MIPOL1: variants seen among roughly 807,000 people sequenced by gnomAD.
MIPOL1 encodes mirror-image polydactyly 1, also known as mirror-image polydactyly gene 1 protein.
MIPOL1 carries 57 observed loss-of-function variants against 60.9 expected under a neutral mutation model. The ratio of observed to expected loss-of-function variants is 0.94; its 90% CI spans 0.76 to 1.17. The LOEUF is 1.17. Ranked by LOEUF, MIPOL1 falls within the 50% of genes most tolerant of loss-of-function variation. The pLI is 0.00. For missense variants in MIPOL1, 551 were observed against 511.6 expected (o/e 1.08, Z -0.74); for synonymous variants, 179 against 168.8 (o/e 1.06, Z -0.47).
At chr14:37,402,000 A>G (rs963906690) in intron 10 of MIPOL1, 4 of 152,054 alleles carry the variant, frequency 2.6e-5, no homozygotes, top group African/African-American at 9.7e-5. Context: ...TCCTTTGTTG[A>G]TAGGGCATAT....
chr14:37,551,129 C>T lies in MIPOL1; in HGVS notation c.*4158C>T, dbSNP rs980284117. ...CTTCTAAATATAGTTTTGGTGTATGCTGGTATTTTAGAAGCCACCAATTTC... is the reference window on the plus strand; with the variant it reads ...CTTCTAAATATAGTTTTGGTGTATGTTGGTATTTTAGAAGCCACCAATTTC... On this transcript the variant is annotated 3_prime_UTR_variant, in exon 13 of 13. Coordinates refer to ENST00000684589, the MANE Select transcript of MIPOL1 (RefSeq NM_001388067.1). 6 of 151,916 alleles carry T rather than the reference C, an allele frequency of 3.9e-5. No homozygotes were observed. Among genetic ancestry groups the T allele is most frequent in the Non-Finnish European group, 5.9e-5 (4 of 67,938 alleles). The allele number at this position is 151,916 out of a possible 1,614,324, so 9.4% of individuals were successfully genotyped here. A position where few individuals can be genotyped will look rare whatever the true frequency, so the allele number is the denominator to read the frequency against.
At chr14:37,348,033 A>G (rs2091071647) in intron 9 of MIPOL1, among the ~76,000 whole-genome samples, 1 of 152,178 alleles carries the variant, frequency 6.6e-6, no homozygotes, top group East Asian at 1.9e-4. Flanking sequence ...ACAGTACCCA[A>G]CAGGTAGTTT....
intron 3 of MIPOL1, chr14:37,265,219 C>G (rs528205643): frequency 3.3e-4 from 50 of 152,310 alleles, no homozygotes; most frequent in African/African-American, 1.2e-3. Flanking sequence ...TGCTACTTCG[C>G]ATATCCCTAC....
chr14:37,468,587 TAAA>T (rs1349288651), intron 11 of MIPOL1, among the ~76,000 whole-genome samples: 1 of 152,178 alleles, frequency 6.6e-6, no homozygotes, highest in African/African-American at 2.4e-5. Flanking sequence ...CACTAAAACA[TAAA>T]AAATTAAGAA....
At chr14:37,416,552 A>G (rs1193821123) in intron 10 of MIPOL1, among the ~76,000 whole-genome samples, 3 of 152,214 alleles carry the variant, frequency 2.0e-5, no homozygotes, top group Non-Finnish European at 4.4e-5. Flanking sequence ...ACATAGAAAA[A>G]GTACAGTAAA....
At chr14:37,332,509 A>G (rs2089787310) in intron 9 of MIPOL1, among the ~76,000 whole-genome samples, 1 of 152,184 alleles carries the variant, frequency 6.6e-6, no homozygotes, top group Admixed American at 6.5e-5. Flanking sequence ...TTAACAACAC[A>G]CAGTTGACTA....
intron 9 of MIPOL1, among the ~76,000 whole-genome samples, chr14:37,318,374 T>G (rs1221041969): frequency 6.6e-6 from 1 of 152,128 alleles, no homozygotes; most frequent in African/African-American, 2.4e-5. Context: ...AAGCATAACA[T>G]TTAGAGTTAT....
chr14:37,338,137 C>T (rs1386190629), intron 9 of MIPOL1, among the ~76,000 whole-genome samples: 3 of 130,744 alleles, frequency 2.3e-5, no homozygotes, highest in African/African-American at 5.8e-5. Context: ...GACGGAGTCT[C>T]GCTCTGTCGC....
intron 9 of MIPOL1, among the ~76,000 whole-genome samples, chr14:37,350,186 T>G (rs182630389): frequency 1.3e-5 from 2 of 152,246 alleles, no homozygotes; most frequent in African/African-American, 2.4e-5. Flanking sequence ...ATCCTCCCAC[T>G]TCAGCCTCCG....
intron 11 of MIPOL1, among the ~76,000 whole-genome samples, chr14:37,460,338 C>A (rs774390853): frequency 6.6e-6 from 1 of 152,022 alleles, no homozygotes; most frequent in Non-Finnish European, 1.5e-5. Context: ...AAACCTTCAA[C>A]AAACTAGGCC....
intron 10 of MIPOL1, among the ~76,000 whole-genome samples, chr14:37,373,302 C>T (rs2092691152): frequency 6.6e-6 from 1 of 152,138 alleles, no homozygotes; most frequent in African/African-American, 2.4e-5. Flanking sequence ...CAAGCCCAGC[C>T]TTAAACATAT....
intron 7 of MIPOL1, among the ~76,000 whole-genome samples, chr14:37,303,700 A>G (rs1472167391): frequency 6.6e-6 from 1 of 151,876 alleles, no homozygotes; most frequent in Non-Finnish European, 1.5e-5. Context: ...TTTCTTTTTA[A>G]TTCATTCAGT....
intron 10 of MIPOL1, among the ~76,000 whole-genome samples, chr14:37,384,606 C>T (rs944805683): frequency 3.9e-5 from 6 of 151,948 alleles, no homozygotes; most frequent in Admixed American, 1.3e-4. Flanking sequence ...TTGTGAAATT[C>T]TGAGGGTAGG....
intron 11 of MIPOL1, among the ~76,000 whole-genome samples, chr14:37,475,211 C>T (rs1003216567): frequency 2.0e-5 from 3 of 152,130 alleles, no homozygotes; most frequent in South Asian, 2.1e-4. Context: ...GTGGTCCACC[C>T]GCTTCTGCCT....
At chr14:37,208,024 A>G (rs914314723) in intron 1 of MIPOL1, among the ~76,000 whole-genome samples, 4 of 152,222 alleles carry the variant, frequency 2.6e-5, no homozygotes, top group East Asian at 1.9e-4. Flanking sequence ...TAGATGACCA[A>G]TAAGACATGT....
intron 11 of MIPOL1, among the ~76,000 whole-genome samples, chr14:37,463,252 C>G (rs1374382366): frequency 6.6e-6 from 1 of 152,146 alleles, no homozygotes; most frequent in Non-Finnish European, 1.5e-5. Context: ...GACCCACTCA[C>G]TCACTGTCAG....
At chr14:37,508,847 G>A (rs929463344) in intron 12 of MIPOL1, among the ~76,000 whole-genome samples, 2 of 151,994 alleles carry the variant, frequency 1.3e-5, no homozygotes, top group East Asian at 1.9e-4. Flanking sequence ...TTTAAGGTTA[G>A]CAAGCATCCA....
chr14:37,348,394 A>C (rs1190079315), intron 9 of MIPOL1, among the ~76,000 whole-genome samples: 1 of 152,182 alleles, frequency 6.6e-6, no homozygotes, highest in African/African-American at 2.4e-5. Flanking sequence ...TGTGATGATC[A>C]ATTAGGACTC....
intron 10 of MIPOL1, among the ~76,000 whole-genome samples, chr14:37,374,736 T>C (rs2092728625): frequency 6.6e-6 from 1 of 152,188 alleles, no homozygotes; most frequent in African/African-American, 2.4e-5. Flanking sequence ...TTCTGTTTCA[T>C]TGGTCTATAT....
Sources: allele counts gnomAD v4.1 joint callset (sites outside exome capture counted in the v4.1 genomes callset), GRCh38; gene constraint gnomAD v4.1.1; transcripts MANE v1.5; gene names NCBI Gene and HGNC (gene_info 2026-07-23, HGNC 2026-07-21).